RFT1: variants seen among roughly 807,000 people sequenced by gnomAD.
The protein encoded by RFT1 is man(5)GlcNAc(2)-PP-dolichol translocation protein RFT1.
In RFT1, 43 loss-of-function variants were observed where a neutral mutation model predicts 62.2. The observed-to-expected ratio is 0.69, with a 90% confidence interval of 0.54 to 0.89. The LOEUF (loss-of-function observed/expected upper bound fraction) is 0.89. Ranked by LOEUF, RFT1 falls within the 40% of genes least tolerant of loss-of-function variation. RFT1 has a pLI of 0.00. For missense variants in RFT1, 605 were observed against 649.9 expected (o/e 0.93, Z 0.75); for synonymous variants, 262 against 264.6 (o/e 0.99, Z 0.10).
At position 53,097,427 on chromosome 3, in the gene RFT1, T is replaced by C. The variant is rs140922694; in HGVS notation, c.1208+1954A>G. On this transcript the variant is annotated intron_variant, in intron 11 of 12. Transcript: ENST00000296292. The stretch of plus-strand genomic sequence containing the variant: ...GAGTTACCCCACATGGGAACTGCAC[T>C]AGAAGGTGCTCTGGGCTCTGTTTTT... Among the ~76,000 whole-genome samples the C allele has an allele frequency of 4.6e-5, 7 of 152,382 alleles. No individual in the cohort carries two copies. The East Asian group carries it at 1.3e-3, about 29-fold the overall frequency.
intron 1 of RFT1, among the ~76,000 whole-genome samples, chr3:53,127,708 G>A (rs1408008543): frequency 6.6e-6 from 1 of 151,626 alleles, no homozygotes; most frequent in Non-Finnish European, 1.5e-5. Flanking sequence ...CTGAAAGGTA[G>A]GAGGATCACT....
Position 53,119,997 on chromosome 3 carries a change from G to A in RFT1, c.583C>T (p.Leu195Phe). 1 of 1,604,122 alleles carries A rather than the reference G, an allele frequency of 6.2e-7. No homozygotes were observed. ...TTTGTGAAATAAATAACATAGCAGAGCACCAGAACTGTGGTATAGAAAAGC... is the reference window on the plus strand; with the variant it reads ...TTTGTGAAATAAATAACATAGCAGAACACCAGAACTGTGGTATAGAAAAGC... ...AQLFYTTVLVLCYVIYFTKLL... is the reference protein window; with the variant it reads ...AQLFYTTVLVFCYVIYFTKLL... The change falls in exon 6 of 13, where the codon CTC (leucine) becomes TTC (phenylalanine). Residue 195 changes from leucine (L) to phenylalanine (F), a missense_variant. By Grantham distance (22) the Leu-to-Phe change is conservative. Transcript: ENST00000296292.
Position 53,121,770 on chromosome 3 carries a change from T to C in RFT1, c.487A>G (p.Lys163Glu). Residue 163 changes from lysine to glutamate, a missense_variant, in exon 5 of 13, where the codon AAG becomes GAG. Coordinates refer to ENST00000296292, the MANE Select transcript of RFT1 (RefSeq NM_052859.4). ...VIAESLSVIL[K>E]SVLTAFLVLW... ...ACGAGAAAAGCTGTCAGAACGCTCT[T>C]AAGAATTACCGACAGGCTCTCTGCA... 1 of 1,613,890 alleles carries C rather than the reference T, an allele frequency of 6.2e-7. No homozygotes were observed. The highest frequency in any genetic ancestry group is 8.5e-7 in the Non-Finnish European group (1 of 1,179,904).
chr3:53,097,873 C>G (rs1701188028), intron 11 of RFT1, among the ~76,000 whole-genome samples: 1 of 152,188 alleles, frequency 6.6e-6, no homozygotes, highest in South Asian at 2.1e-4. Flanking sequence ...AGAGGATAGA[C>G]TCAAAGCAGT....
chr3:53,113,720 T>G (rs1701715629), intron 6 of RFT1, among the ~76,000 whole-genome samples: 1 of 152,224 alleles, frequency 6.6e-6, no homozygotes, highest in African/African-American at 2.4e-5. Flanking sequence ...TATTAAGACT[T>G]TGAAATCCAA....
chr3:53,123,772 C>A lies in RFT1; in HGVS notation c.218G>T (p.Gly73Val). The part of the protein sequence containing the change: ...REAFRRACLS[G>V]GTQRDWSQTL... ...CTGGCTCCAGTCTCGCTGGGTGCCC[C>A]CACTGAGACATGCTCTGCGGAAGGC... Residue 73 changes from glycine to valine, a missense_variant, in exon 3 of 13, where the codon GGG (glycine) becomes GTG (valine). Physicochemically the swap from Gly to Val is moderately radical, Grantham distance 109. Transcript: ENST00000296292. The A allele has an allele frequency of 1.9e-6, 3 of 1,614,192 alleles. No individual in the cohort carries two copies. Among genetic ancestry groups the A allele is most frequent in the South Asian group, 1.1e-5 (1 of 91,084 alleles).
chr3:53,083,200 CAAAAAA>C, the RFT1 span, among the ~76,000 whole-genome samples: 3 of 39,402 alleles, frequency 7.6e-5, no homozygotes, highest in African/African-American at 1.3e-4. Flanking sequence ...GATTCCATCT[CAAAAAA>C]AAAAAAAAAA....
chr3:53,119,794 T>C, intron 6 of RFT1, 90 bp downstream of exon 6: 1 of 1,204,620 alleles, frequency 8.3e-7, no homozygotes, highest in South Asian at 1.4e-5. Context: ...CTATTTATGA[T>C]TATAACAATA....
Position 53,122,426 on chromosome 3 carries a change from A to G in RFT1, c.404T>C (p.Leu135Pro). 1 of 1,614,098 alleles carries G rather than the reference A, an allele frequency of 6.2e-7. No homozygotes were observed. Among genetic ancestry groups the G allele is most frequent in the Non-Finnish European group, 8.5e-7 (1 of 1,180,002 alleles). The change falls in exon 4 of 13, where the codon CTA (leucine) becomes CCA (proline). Residue 135 changes from leucine (L) to proline (P), a missense_variant. Coordinates refer to ENST00000296292, the MANE Select transcript of RFT1 (RefSeq NM_052859.4). ...LFGLSAVVEL[L>P]GEPFWVLAQA... ...TGCCAAGACCCAAAAGGGCTCTCCTAGAAGCTCCACCACTGCCGAGAGACC... is the reference window on the plus strand; with the variant it reads ...TGCCAAGACCCAAAAGGGCTCTCCTGGAAGCTCCACCACTGCCGAGAGACC...
intron 11 of RFT1, 87 bp from the exon 12 acceptor site, chr3:53,092,705 A>C: frequency 9.6e-5 from 140 of 1,456,418 alleles, no homozygotes; most frequent in Non-Finnish European, 1.1e-4. Flanking sequence ...ACATCAACTC[A>C]CAGAAAGAAC....
intron 2 of RFT1, among the ~76,000 whole-genome samples, chr3:53,124,909 C>T (rs1467575260): frequency 6.6e-6 from 1 of 152,096 alleles, no homozygotes; most frequent in Admixed American, 6.5e-5. Flanking sequence ...GAGGTCAAGG[C>T]TGCAGTGAGC....
chr3:53,073,363 C>T, the RFT1 span, among the ~76,000 whole-genome samples: 1 of 152,224 alleles, frequency 6.6e-6, no homozygotes, highest in Non-Finnish European at 1.5e-5. Context: ...TGGACACCCC[C>T]ACCTGTGCCG....
chr3:53,109,109 C>T (rs1701575809), intron 7 of RFT1, among the ~76,000 whole-genome samples: 1 of 152,214 alleles, frequency 6.6e-6, no homozygotes, highest in Non-Finnish European at 1.5e-5. Context: ...CTGCTGCACC[C>T]TACCTCCCAG....
At chr3:53,111,387 C>T (rs150255479) in intron 7 of RFT1, among the ~76,000 whole-genome samples, 3 of 150,696 alleles carry the variant, frequency 2.0e-5, no homozygotes, top group East Asian at 1.9e-4. Context: ...GCTTGGGCGA[C>T]GGAGCAAGAC....
At position 53,105,713 on chromosome 3, in the gene RFT1, T is replaced by C; in HGVS notation, c.917A>G (p.Lys306Arg). 5 of 1,613,830 alleles carry C rather than the reference T, an allele frequency of 3.1e-6. No homozygotes were observed. Among genetic ancestry groups the C allele is most frequent in the Non-Finnish European group, 4.2e-6 (5 of 1,179,870 alleles). Residue 306 changes from lysine (K) to arginine (R), a missense_variant, in exon 9 of 13, where the codon AAG becomes AGG. Physicochemically the swap from Lys to Arg is conservative, Grantham distance 26 (BLOSUM62 2). Coordinates refer to ENST00000296292, the MANE Select transcript of RFT1 (RefSeq NM_052859.4). ...IEESFYIFFAKVLERGKDATL... is the reference protein window; with the variant it reads ...IEESFYIFFARVLERGKDATL... The stretch of plus-strand genomic sequence containing the variant: ...GGCATCCTTTCCCCTCTCCAGCACC[T>C]TAGCAAAAAATATATAAAAACTTTC...
At chr3:53,084,218 T>A (rs1700812191), downstream of RFT1, among the ~76,000 whole-genome samples, 1 of 152,230 alleles carries the variant, frequency 6.6e-6, no homozygotes, top group Admixed American at 6.5e-5. Context: ...TCCCTCTGAA[T>A]ATTTTCAGAA....
chr3:53,076,630 T>TC, the RFT1 span, among the ~76,000 whole-genome samples: 6 of 152,130 alleles, frequency 3.9e-5, no homozygotes, highest in Non-Finnish European at 7.4e-5. Flanking sequence ...GGCTATCAGC[T>TC]CATTTTCCAT....
intron 6 of RFT1, among the ~76,000 whole-genome samples, chr3:53,116,911 A>T (rs1170326997): frequency 6.6e-6 from 1 of 152,168 alleles, no homozygotes; most frequent in Non-Finnish European, 1.5e-5. Context: ...GCTTCTTTTT[A>T]AAATAATAAA....
intron 6 of RFT1, among the ~76,000 whole-genome samples, chr3:53,114,556 G>C (rs1024207829): frequency 4.6e-5 from 7 of 152,142 alleles, no homozygotes; most frequent in Admixed American, 4.6e-4. Flanking sequence ...AGTGGTGGGA[G>C]AGAGGAAGCA....
Sources: allele counts gnomAD v4.1 joint callset (sites outside exome capture counted in the v4.1 genomes callset), GRCh38; gene constraint gnomAD v4.1.1; transcripts MANE v1.5; gene names NCBI Gene and HGNC (gene_info 2026-07-23, HGNC 2026-07-21).